MYOF: variants seen among roughly 807,000 people sequenced by gnomAD.
MYOF encodes fer-1-like 3, myoferlin.
In MYOF, 244 loss-of-function variants were observed where a neutral mutation model predicts 284.2. That is an observed-to-expected ratio of 0.86 (90% CI 0.77 to 0.95). MYOF has a LOEUF of 0.95. MYOF is among the 40% of genes least tolerant of loss of function. MYOF has a pLI of 0.00. For synonymous variants in MYOF, 904 were observed against 919.7 expected, an observed-to-expected ratio of 0.98 and a Z score of 0.31; for missense variants, 2,496 against 2,560.6, an observed-to-expected ratio of 0.97 and a Z score of 0.54.
At chr10:93,309,798 T>G (rs1167389375) in intron 53 of MYOF, among the ~76,000 whole-genome samples, 1 of 152,190 alleles carries the variant, frequency 6.6e-6, no homozygotes, top group Admixed American at 6.5e-5. Context: ...AAAGTTATTT[T>G]CAGATCATAA....
chr10:93,416,578 G>A (rs1397717414), intron 5 of MYOF, among the ~76,000 whole-genome samples: 2 of 146,394 alleles, frequency 1.4e-5, no homozygotes, highest in Non-Finnish European at 3.0e-5. Context: ...TATAATATAT[G>A]AACCCTGGCT....
chr10:93,309,209 C>G (rs1366296874), intron 53 of MYOF, among the ~76,000 whole-genome samples: 1 of 152,192 alleles, frequency 6.6e-6, no homozygotes, highest in Non-Finnish European at 1.5e-5. Context: ...GTCTCCATAA[C>G]AGCTCACCTC....
At chr10:93,334,339 C>A (rs867159348) in intron 41 of MYOF, among the ~76,000 whole-genome samples, 1 of 151,380 alleles carries the variant, frequency 6.6e-6, no homozygotes, top group Non-Finnish European at 1.5e-5. Context: ...GTTTATCTTT[C>A]AAATCTCAGC....
At chr10:93,333,576 A>G (rs1843444345) in intron 42 of MYOF, among the ~76,000 whole-genome samples, 182 bp downstream of exon 42, 1 of 152,190 alleles carries the variant, frequency 6.6e-6, no homozygotes, top group Admixed American at 6.5e-5. Context: ...GGGGACCTTA[A>G]GCCCCCCGCA....
At chr10:93,320,126 G>A in intron 48 of MYOF, 113 bp from the exon 49 acceptor site, 3 of 1,283,846 alleles carry the variant, frequency 2.3e-6, no homozygotes, top group Non-Finnish European at 3.3e-6. Flanking sequence ...CACTTTTCTT[G>A]GGCAGATTCC....
intron 4 of MYOF, among the ~76,000 whole-genome samples, chr10:93,427,212 CA>C (rs369906090): frequency 0.14 from 19,807 of 138,278 alleles, 1,439 homozygotes; most frequent in Middle Eastern, 0.21. Flanking sequence ...CAAAACAAAA[CA>C]AAACAAAAAA....
intron 48 of MYOF, among the ~76,000 whole-genome samples, chr10:93,320,558 T>A (rs1383850213): frequency 6.6e-6 from 1 of 152,224 alleles, no homozygotes; most frequent in Non-Finnish European, 1.5e-5. Flanking sequence ...AGATGTCAGC[T>A]CTTATTTCCA....
chr10:93,416,054 G>C (rs1440290842), intron 5 of MYOF, among the ~76,000 whole-genome samples: 2 of 152,156 alleles, frequency 1.3e-5, no homozygotes, highest in East Asian at 3.9e-4. Context: ...GGCCACTAAA[G>C]ACTTTCATGT....
intron 30 of MYOF, among the ~76,000 whole-genome samples, chr10:93,356,412 G>A (rs1472479872): frequency 6.6e-6 from 1 of 152,184 alleles, no homozygotes; most frequent in East Asian, 1.9e-4. Context: ...CAAGGGTCCT[G>A]GAACAGATAT....
chr10:93,482,103 T>C lies in MYOF; in HGVS notation c.88+4A>G. The C allele has an allele frequency of 6.2e-7, 1 of 1,612,760 alleles. No homozygotes were observed. The highest frequency in any genetic ancestry group is 8.5e-7 in the Non-Finnish European group (1 of 1,178,960). On this transcript the variant is annotated splice_donor_region_variant and intron_variant, in intron 1 of 53. Transcript: ENST00000359263. ...TTCAGAAAAAGAAGAAAACTTTTTCTTACCCTTAAAAATGACAGAAACAAT... is the reference window on the plus strand; with the variant it reads ...TTCAGAAAAAGAAGAAAACTTTTTCCTACCCTTAAAAATGACAGAAACAAT...
At chr10:93,368,671 G>A (rs1845437125) in intron 25 of MYOF, among the ~76,000 whole-genome samples, 1 of 152,214 alleles carries the variant, frequency 6.6e-6, no homozygotes, top group African/African-American at 2.4e-5. Flanking sequence ...GACCTGTTAT[G>A]TGCCAGGAAC....
chr10:93,435,339 A>T (rs1018224316), intron 3 of MYOF, among the ~76,000 whole-genome samples: 2 of 152,180 alleles, frequency 1.3e-5, no homozygotes, highest in Admixed American at 6.5e-5. Flanking sequence ...AGCACTACTG[A>T]CATTTTGAAC....
At position 93,322,560 on chromosome 10, in the gene MYOF, C is replaced by A. The variant is rs556563723; in HGVS notation, c.5456+518G>T. 5.9e-5 allele frequency among the ~76,000 whole-genome samples: 9 copies of A among 152,296 alleles called. No homozygotes were observed. The South Asian group carries it at 6.2e-4, about 11-fold the overall frequency. ...ATTAGGCAAGTAAGAGAATATTGAA[C>A]AACAATGACACTTGACATGTTGGAT... On this transcript the variant is annotated intron_variant, in intron 48 of 53. Transcript: ENST00000359263.
Position 93,426,151 on chromosome 10 carries a change from A to G in MYOF, c.353T>C (p.Ile118Thr), listed in dbSNP as rs1185418390. The change falls in exon 5 of 54, where the codon ATT becomes ACT. Residue 118 changes from isoleucine (I) to threonine (T), a missense_variant. Coordinates refer to ENST00000359263, the MANE Select transcript of MYOF (RefSeq NM_013451.4). ...CGGATCATAGCCGATCACCAAGTCA[A>G]TGGTGGCCTGGGTAGAAATAATTCG... ...NEKGQDTGAT[I>T]DLVIGYDPPS... 5.8e-6 allele frequency: 9 copies of G among 1,557,372 alleles called. No individual in the cohort carries two copies. The highest frequency in any genetic ancestry group is 4.1e-5 in the African/African-American group (3 of 73,444).
At chr10:93,342,017 G>C (rs1373599151) in intron 38 of MYOF, 2 of 1,222,512 alleles carry the variant, frequency 1.6e-6, no homozygotes, top group Admixed American at 2.3e-5. Context: ...ACATGTCCAT[G>C]TTATCTGGCT....
chr10:93,371,181 T>C (rs1319113261), intron 24 of MYOF, among the ~76,000 whole-genome samples: 1 of 152,214 alleles, frequency 6.6e-6, no homozygotes, highest in East Asian at 1.9e-4. Context: ...AAAAGAGTCA[T>C]TCAAAGTCCA....
At chr10:93,406,442 G>A (rs1847592634) in intron 7 of MYOF, among the ~76,000 whole-genome samples, 2 of 150,710 alleles carry the variant, frequency 1.3e-5, no homozygotes, top group South Asian at 4.2e-4. Flanking sequence ...GGAAAATTCT[G>A]AGGAAGGTGG....
chr10:93,478,840 A>AGAAAG lies in MYOF; in HGVS notation c.88+3266_88+3267insCTTTC, dbSNP rs1554875967. Among the ~76,000 whole-genome samples the AGAAAG allele has an allele frequency of 1.3e-3, 103 of 77,992 alleles. 3 individuals are homozygous for AGAAAG. Among genetic ancestry groups the AGAAAG allele is most frequent in the South Asian group, 4.4e-3 (8 of 1,828 alleles). 51.2% of individuals were successfully genotyped at this position (77,992 alleles called of 152,430 possible). A position where few individuals can be genotyped will look rare whatever the true frequency, so the allele number is the denominator to read the frequency against. ...GAAACAGTCTCAAAAAAAAAAAAAA[A>AGAAAG]AAAGAAAGAAAGAAAGAAAGGGTTT... On this transcript the variant is annotated intron_variant, in intron 1 of 53. Coordinates refer to ENST00000359263, the MANE Select transcript of MYOF (RefSeq NM_013451.4).
intron 16 of MYOF, among the ~76,000 whole-genome samples, chr10:93,395,566 T>A (rs1158845487): frequency 1.3e-5 from 2 of 152,212 alleles, no homozygotes; most frequent in Non-Finnish European, 2.9e-5. Context: ...ATGCCAGGTA[T>A]AGGCAAATAG....
Sources: allele counts gnomAD v4.1 joint callset (sites outside exome capture counted in the v4.1 genomes callset), GRCh38; gene constraint gnomAD v4.1.1; transcripts MANE v1.5; gene names NCBI Gene and HGNC (gene_info 2026-07-23, HGNC 2026-07-21).